PRKN: variants seen among roughly 807,000 people sequenced by gnomAD.
PRKN encodes the protein E3 ubiquitin-protein ligase parkin.
PRKN carries 56 observed loss-of-function variants against 59.5 expected under a neutral mutation model. That is an observed-to-expected ratio of 0.94 (90% confidence interval 0.76 to 1.18). PRKN has a LOEUF of 1.18. Among genes scored for constraint, PRKN ranks in the 50% most tolerant of loss-of-function variants. The pLI is 0.00. For synonymous variants in PRKN, 250 were observed against 222.1 expected (o/e 1.13, Z -1.12); for missense variants, 657 against 596.4 (o/e 1.10, Z -1.06).
Position 161,588,386 on chromosome 6 carries a change from CAA to C in PRKN, c.872-18972_872-18971del, listed in dbSNP as rs60368817. Among the ~76,000 whole-genome samples, 9 of 148,590 alleles carry C rather than the reference CAA, an allele frequency of 6.1e-5. No homozygotes were observed. Among genetic ancestry groups the C allele is most frequent in the South Asian group, 2.2e-4 (1 of 4,650 alleles). On this transcript the variant is annotated intron_variant, in intron 7 of 11. Coordinates refer to ENST00000366898, the MANE Select transcript of PRKN (RefSeq NM_004562.3). The surrounding 1 kb of genome is among the most constrained non-coding windows in gnomAD (Gnocchi z 5.0). Reference sequence around the variant, plus strand: ...CAAGAGCGAAACTCTGTCCCCTCGCCAAAAAAAAAAAATTTACTCTATGGGTA... The same window carrying C: ...CAAGAGCGAAACTCTGTCCCCTCGCCAAAAAAAAAATTTACTCTATGGGTA...
intron 9 of PRKN, among the ~76,000 whole-genome samples, chr6:161,504,613 C>T (rs1457946078): frequency 3.3e-5 from 5 of 151,532 alleles, no homozygotes; most frequent in African/African-American, 7.3e-5. Flanking sequence ...CATGCTGGTG[C>T]GCTGCACCCA....
chr6:161,725,078 G>A (rs368468719), intron 7 of PRKN, among the ~76,000 whole-genome samples: 94 of 152,282 alleles, frequency 6.2e-4, no homozygotes, highest in African/African-American at 2.1e-3. Context: ...GGCCTCCGTA[G>A]GAGCCTAGCA....
Position 161,386,729 on chromosome 6 carries a change from A to G in PRKN, c.1167+65T>C. On this transcript the variant is annotated intron_variant, in intron 10 of 11. Coordinates refer to ENST00000366898, the MANE Select transcript of PRKN (RefSeq NM_004562.3). The surrounding 1 kb of genome is among the most constrained non-coding windows in gnomAD (Gnocchi z 4.3). ...AATGGAACTCTCCATGACCTCCAGGAAACGGCTCCAGTCCCCCACTGTATC... is the reference window on the plus strand; with the variant it reads ...AATGGAACTCTCCATGACCTCCAGGGAACGGCTCCAGTCCCCCACTGTATC... 11 of 1,248,484 alleles carry G rather than the reference A, an allele frequency of 8.8e-6. No individual in the cohort carries two copies. Among genetic ancestry groups the G allele is most frequent in the Non-Finnish European group, 1.3e-5 (11 of 846,202 alleles). The allele number at this position is 1,248,484 out of a possible 1,614,324, so 77.3% of individuals were successfully genotyped here. A position where few individuals can be genotyped will look rare whatever the true frequency, so the allele number is the denominator to read the frequency against.
chr6:161,846,306 T>C (rs1314671759), intron 6 of PRKN, among the ~76,000 whole-genome samples: 1 of 152,214 alleles, frequency 6.6e-6, no homozygotes, highest in East Asian at 1.9e-4. Context: ...TTACTATTAA[T>C]ACTCAGAATA....
In PRKN at chr6:161,455,951, T is replaced by G. The variant is rs578011386; in HGVS notation, c.1084-69074A>C. Among the ~76,000 whole-genome samples the G allele has an allele frequency of 5.9e-5, 9 of 152,226 alleles. No homozygotes were observed. In the South Asian group the frequency reaches 1.9e-3, roughly 32 times the overall value. On this transcript the variant is annotated intron_variant, in intron 9 of 11. Transcript: ENST00000366898. ...TCAACATATTATAGAGAAACAAATA[T>G]TGAAAAGAATTTCAAGGCTGGCCAT...
At chr6:161,756,532 T>C (rs1252908751) in intron 7 of PRKN, among the ~76,000 whole-genome samples, 1 of 152,030 alleles carries the variant, frequency 6.6e-6, no homozygotes, top group African/African-American at 2.4e-5. Flanking sequence ...TTTAGAACTG[T>C]TTATCACATG....
At chr6:162,460,262 A>G (rs1791089300) in intron 1 of PRKN, among the ~76,000 whole-genome samples, 1 of 152,226 alleles carries the variant, frequency 6.6e-6, no homozygotes, top group South Asian at 2.1e-4. Context: ...GAAAGAAGCC[A>G]GTCATAAGAT....
At chr6:161,936,267 T>C (rs1167183169) in intron 6 of PRKN, among the ~76,000 whole-genome samples, 1 of 150,008 alleles carries the variant, frequency 6.7e-6, no homozygotes, top group Non-Finnish European at 1.5e-5. Context: ...TGGAGTGCAG[T>C]GGTGTGATCT....
At chr6:162,630,012 G>C (rs1185569056) in intron 1 of PRKN, among the ~76,000 whole-genome samples, 1 of 151,878 alleles carries the variant, frequency 6.6e-6, no homozygotes, top group African/African-American at 2.4e-5. Context: ...AATCCTACTG[G>C]GCCAGGATTA....
chr6:162,323,324 A>G (rs1783113789), intron 2 of PRKN, among the ~76,000 whole-genome samples: 1 of 152,022 alleles, frequency 6.6e-6, no homozygotes. Flanking sequence ...ATAAGAGAAA[A>G]TCTTTATAAT....
chr6:161,565,409 T>C (rs1339639689), intron 8 of PRKN, among the ~76,000 whole-genome samples: 4 of 152,138 alleles, frequency 2.6e-5, no homozygotes, highest in African/African-American at 9.7e-5. Flanking sequence ...AATTCTCATC[T>C]TGAATTGTAA....
chr6:162,434,958 T>A (rs114886830), intron 2 of PRKN, among the ~76,000 whole-genome samples: 1 of 152,320 alleles, frequency 6.6e-6, no homozygotes, highest in African/African-American at 2.4e-5. Context: ...TTTGGGTGTA[T>A]AGACACAACC....
At chr6:161,652,600 T>C (rs565056346) in intron 7 of PRKN, among the ~76,000 whole-genome samples, 17 of 152,216 alleles carry the variant, frequency 1.1e-4, no homozygotes, top group Non-Finnish European at 1.6e-4. Flanking sequence ...TAGTAAGTTA[T>C]TTGTTCTTAT....
chr6:161,512,734 A>G (rs1167196026), intron 9 of PRKN, among the ~76,000 whole-genome samples: 1 of 152,208 alleles, frequency 6.6e-6, no homozygotes, highest in Non-Finnish European at 1.5e-5. Flanking sequence ...TATGTAGAGC[A>G]AACGCGGAGA....
intron 7 of PRKN, among the ~76,000 whole-genome samples, chr6:161,697,737 C>T (rs1786080759): frequency 6.6e-6 from 1 of 152,128 alleles, no homozygotes. Flanking sequence ...AAACTCAATT[C>T]ACCATGACCT....
At position 162,090,024 on chromosome 6, in the gene PRKN, G is replaced by A. The variant is rs190593244; in HGVS notation, c.535-35850C>T. Among the ~76,000 whole-genome samples the A allele has an allele frequency of 1.7e-3, 262 of 152,232 alleles. 2 individuals are homozygous for A. Among genetic ancestry groups the A allele is most frequent in the Non-Finnish European group, 2.3e-3 (158 of 68,018 alleles). On this transcript the variant is annotated intron_variant, in intron 4 of 11. Transcript: ENST00000366898. ...CTACTAAACTGTACACGTAAAGATGGTCAATTTAATGTTAGGAAAATTAAG... is the reference window on the plus strand; with the variant it reads ...CTACTAAACTGTACACGTAAAGATGATCAATTTAATGTTAGGAAAATTAAG...
chr6:161,769,804 C>A (rs1789587919), intron 7 of PRKN, among the ~76,000 whole-genome samples: 1 of 152,102 alleles, frequency 6.6e-6, no homozygotes, highest in African/African-American at 2.4e-5. Flanking sequence ...GCAAAAGATA[C>A]AAATGCCCCT....
chr6:161,979,070 C>T (rs1324997526), intron 5 of PRKN, among the ~76,000 whole-genome samples: 1 of 152,120 alleles, frequency 6.6e-6, no homozygotes, highest in African/African-American at 2.4e-5. Context: ...CAGGGGCTTA[C>T]TCACATCATT....
At chr6:161,877,999 C>T (rs1443703489) in intron 6 of PRKN, among the ~76,000 whole-genome samples, 1 of 151,816 alleles carries the variant, frequency 6.6e-6, no homozygotes, top group East Asian at 1.9e-4. Flanking sequence ...ATCCCATGGC[C>T]GACACTTGGA....
Sources: gnomAD v4.1 joint callset for allele counts (sites outside exome capture counted in the v4.1 genomes callset) on GRCh38, gnomAD v4.1.1 for gene constraint, Gnocchi (gnomAD v3.1) non-coding constraint, MANE v1.5 for transcripts, NCBI Gene and HGNC (gene_info 2026-07-23, HGNC 2026-07-21) for gene names.